XPR1: variants seen among roughly 807,000 people sequenced by gnomAD.
XPR1 encodes solute carrier family 53 member 1.
Under a neutral mutation model 87.5 loss-of-function variants are expected in XPR1, and 28 were observed. The observed-to-expected ratio is 0.32, with a 90% CI of 0.24 to 0.44. The LOEUF (loss-of-function observed/expected upper bound fraction) is 0.44, where lower values mean the gene tolerates loss of function less well. Among genes scored for constraint, XPR1 ranks in the 20% least tolerant of loss-of-function variants. XPR1 has a pLI of 1.00. For missense variants in XPR1, 559 were observed against 862.3 expected (o/e 0.65, Z 4.41); for synonymous variants, 300 against 306.1 (o/e 0.98, Z 0.21).
At chr1:180,727,907 T>C (rs1464924656) in intron 2 of XPR1, among the ~76,000 whole-genome samples, 1 of 152,198 alleles carries the variant, frequency 6.6e-6, no homozygotes, top group Non-Finnish European at 1.5e-5. Context: ...AGAGGTCACT[T>C]TCATCGTCAT....
At chr1:180,780,323 G>C (rs1171377597) in intron 2 of XPR1, among the ~76,000 whole-genome samples, 4 of 152,128 alleles carry the variant, frequency 2.6e-5, no homozygotes, top group African/African-American at 4.8e-5. Flanking sequence ...ACCAACACTT[G>C]TTATTGCCTT....
At chr1:180,773,169 G>A (rs1431548973) in intron 2 of XPR1, among the ~76,000 whole-genome samples, 3 of 152,148 alleles carry the variant, frequency 2.0e-5, no homozygotes, top group Non-Finnish European at 4.4e-5. Context: ...ATTTAAGAGG[G>A]TGGCAGATGA....
chr1:180,841,350 A>G (rs1018630487), intron 11 of XPR1, among the ~76,000 whole-genome samples: 1 of 151,014 alleles, frequency 6.6e-6, no homozygotes, highest in Non-Finnish European at 1.5e-5. Context: ...AGTAGTTCTC[A>G]GTTCTATTCT....
chr1:180,855,571 A>G (rs749639312), intron 11 of XPR1, among the ~76,000 whole-genome samples: 8 of 151,700 alleles, frequency 5.3e-5, no homozygotes, highest in Non-Finnish European at 1.2e-4. Flanking sequence ...AGGCTGAGGC[A>G]GAAGAATCAC....
chr1:180,840,046 AC>A (rs1439152050), intron 11 of XPR1, among the ~76,000 whole-genome samples: 1 of 151,244 alleles, frequency 6.6e-6, no homozygotes, highest in Admixed American at 6.6e-5. Context: ...ACAAGGTGAA[AC>A]CCCGTCTCTA....
At chr1:180,639,782 G>C (rs1482517044) in intron 1 of XPR1, among the ~76,000 whole-genome samples, 1 of 152,100 alleles carries the variant, frequency 6.6e-6, no homozygotes. Context: ...TACATATACT[G>C]TATTAGAAGT....
At chr1:180,883,933 G>T in intron 14 of XPR1, 73 bp from the exon 15 acceptor site, 1 of 1,328,172 alleles carries the variant, frequency 7.5e-7, no homozygotes, top group Non-Finnish European at 1.1e-6. Context: ...GACTGGAAAT[G>T]TGTCTAATAC....
intron 2 of XPR1, among the ~76,000 whole-genome samples, chr1:180,722,081 G>A (rs562589134): frequency 8.7e-4 from 132 of 152,046 alleles, no homozygotes; most frequent in Non-Finnish European, 1.7e-3. Flanking sequence ...TGGGCAAGGT[G>A]GTGAAACTTC....
chr1:180,734,978 G>A (rs1311351216), intron 2 of XPR1, among the ~76,000 whole-genome samples: 1 of 152,166 alleles, frequency 6.6e-6, no homozygotes, highest in Non-Finnish European at 1.5e-5. Flanking sequence ...ATAATTAGTA[G>A]AATTCTTTAT....
intron 7 of XPR1, among the ~76,000 whole-genome samples, chr1:180,814,328 T>C (rs994174540): frequency 6.6e-6 from 1 of 152,220 alleles, no homozygotes; most frequent in Admixed American, 6.5e-5. Flanking sequence ...AATCATATTT[T>C]AATCTGGTTC....
At chr1:180,768,206 T>C (rs1192934142) in intron 2 of XPR1, among the ~76,000 whole-genome samples, 1 of 151,724 alleles carries the variant, frequency 6.6e-6, no homozygotes, top group Admixed American at 6.5e-5. Flanking sequence ...GACCTAAAAC[T>C]AAGATTTACT....
intron 11 of XPR1, among the ~76,000 whole-genome samples, chr1:180,845,762 T>TGGGATTGCA (rs11274029): frequency 6.6e-6 from 1 of 152,236 alleles, no homozygotes; most frequent in Admixed American, 6.5e-5. Context: ...CTTCCAAAGC[T>TGGGATTGCA]GACCTGAGCC....
intron 7 of XPR1, among the ~76,000 whole-genome samples, chr1:180,818,073 A>T (rs2102141374): frequency 6.6e-6 from 1 of 151,922 alleles, no homozygotes; most frequent in South Asian, 2.1e-4. Flanking sequence ...TTTGTTTTTT[A>T]AAAAATAGTA....
chr1:180,699,209 C>CTT (rs1168669274), intron 2 of XPR1, among the ~76,000 whole-genome samples: 1,334 of 132,548 alleles, frequency 0.01, 11 homozygotes, highest in Admixed American at 0.018. Context: ...TTTATTCTTT[C>CTT]TTTTTTTTTT....
chr1:180,640,838 G>C (rs1654940040), intron 1 of XPR1, among the ~76,000 whole-genome samples: 1 of 152,170 alleles, frequency 6.6e-6, no homozygotes, highest in South Asian at 2.1e-4. Context: ...TGTTTGCTGT[G>C]CTACAGTTTT....
intron 2 of XPR1, among the ~76,000 whole-genome samples, chr1:180,709,652 AT>A (rs150710831): frequency 0.019 from 2,934 of 152,018 alleles, 40 homozygotes; most frequent in Non-Finnish European, 0.031. Flanking sequence ...TCAATGTTTC[AT>A]TTTTTTTCCA....
At position 180,884,843 on chromosome 1, in the gene XPR1, T is replaced by A. The variant is rs1241190989; in HGVS notation, c.*777T>A. Reference sequence around the variant, plus strand: ...GGAGACAACTTGCACCAGTTTGACCTTTTCTTTTCTTTGTTTTTATTTTAA... The same window carrying A: ...GGAGACAACTTGCACCAGTTTGACCATTTCTTTTCTTTGTTTTTATTTTAA... On this transcript the variant is annotated 3_prime_UTR_variant, in exon 15 of 15. Coordinates refer to ENST00000367590, the MANE Select transcript of XPR1 (RefSeq NM_004736.4). 6.6e-6 allele frequency: 1 copy of A among 152,590 alleles called. No individual in the cohort carries two copies. The highest frequency in any genetic ancestry group is 1.5e-5 in the Non-Finnish European group (1 of 68,040). The allele number at this position is 152,590 out of a possible 1,614,324, so 9.5% of individuals were successfully genotyped here.
At chr1:180,764,532 C>T (rs1419323137) in intron 2 of XPR1, among the ~76,000 whole-genome samples, 2 of 151,758 alleles carry the variant, frequency 1.3e-5, no homozygotes, top group South Asian at 2.1e-4. Context: ...TGCAGTAGTG[C>T]GATCATGGCT....
chr1:180,780,923 T>C (rs1486628957), intron 2 of XPR1, among the ~76,000 whole-genome samples: 1 of 152,054 alleles, frequency 6.6e-6, no homozygotes, highest in Non-Finnish European at 1.5e-5. Flanking sequence ...CAGAAAAGTT[T>C]TTAATTTTGA....
Sources: gnomAD v4.1 joint callset for allele counts (sites outside exome capture counted in the v4.1 genomes callset) on GRCh38, gnomAD v4.1.1 for gene constraint, MANE v1.5 for transcripts, NCBI Gene and HGNC (gene_info 2026-07-23, HGNC 2026-07-21) for gene names.